The following SBF2 variants were observed in gnomAD, a reference collection of about 807,000 sequenced individuals.
The protein encoded by SBF2 is SET binding factor 2.
SBF2 carries 112 observed loss-of-function variants against 225.2 expected under a neutral mutation model. That is an observed-to-expected ratio of 0.50 (90% confidence interval 0.43 to 0.58). The LOEUF is 0.58. Ranked by LOEUF, SBF2 falls within the 20% of genes least tolerant of loss-of-function variation. SBF2 has a pLI of 0.00. For synonymous variants in SBF2, 763 were observed against 773.3 expected (o/e 0.99, Z 0.22); for missense variants, 1,996 against 2,206.2 (o/e 0.90, Z 1.91).
intron 2 of SBF2, among the ~76,000 whole-genome samples, chr11:10,055,712 G>A (rs1413022753): frequency 1.3e-5 from 2 of 152,266 alleles, no homozygotes; most frequent in Middle Eastern, 3.4e-3. Flanking sequence ...TTAAGTAAGA[G>A]CTAAGCTATG....
chr11:10,147,339 C>A (rs1357344135), intron 2 of SBF2, among the ~76,000 whole-genome samples: 1 of 152,100 alleles, frequency 6.6e-6, no homozygotes, highest in Non-Finnish European at 1.5e-5. Context: ...CAATGGTAGA[C>A]TGGATACAGA....
At chr11:10,060,617 A>G (rs914183012) in intron 2 of SBF2, among the ~76,000 whole-genome samples, 3 of 152,306 alleles carry the variant, frequency 2.0e-5, no homozygotes, top group South Asian at 2.1e-4. Flanking sequence ...ATGAACATCA[A>G]TGCAAAAATC....
intron 2 of SBF2, among the ~76,000 whole-genome samples, chr11:10,120,918 C>T (rs1172936612): frequency 6.6e-6 from 1 of 152,078 alleles, no homozygotes; most frequent in African/African-American, 2.4e-5. Context: ...CCGTGCCCAG[C>T]CATGCCCGGC....
chr11:9,784,567 G>T, intron 37 of SBF2, 129 bp from the exon 38 acceptor site: 1 of 737,150 alleles, frequency 1.4e-6, no homozygotes, highest in Non-Finnish European at 2.4e-6. Context: ...GCCTATAAGA[G>T]TTCTCCCTGG....
chr11:9,998,016 T>G lies in SBF2; in HGVS notation c.975+250A>C, dbSNP rs570327113. 2.0e-5 allele frequency among the ~76,000 whole-genome samples: 3 copies of G among 152,306 alleles called. No individual in the cohort carries two copies. The East Asian group carries it at 5.8e-4, about 29-fold the overall frequency. ...GAATTTCCAATACCTAGGACAGTAC[T>G]AGGTCCTGTATGCTGAATGAAGGAA... On this transcript the variant is annotated intron_variant, in intron 9 of 39. Coordinates refer to ENST00000256190, the MANE Select transcript of SBF2 (RefSeq NM_030962.4).
chr11:9,853,071 T>C (rs555402439), intron 20 of SBF2, among the ~76,000 whole-genome samples: 1 of 152,244 alleles, frequency 6.6e-6, no homozygotes, highest in East Asian at 1.9e-4. Flanking sequence ...TACTCAGCCA[T>C]AAAAAGGAAT....
intron 17 of SBF2, among the ~76,000 whole-genome samples, chr11:9,879,616 G>A (rs565039787): frequency 2.5e-4 from 38 of 152,274 alleles, no homozygotes; most frequent in African/African-American, 6.3e-4. Flanking sequence ...TGGTGAAGCA[G>A]ACATTCAATT....
intron 2 of SBF2, among the ~76,000 whole-genome samples, chr11:10,077,698 T>C (rs1310323889): frequency 3.3e-5 from 5 of 152,152 alleles, no homozygotes; most frequent in Admixed American, 6.5e-5. Flanking sequence ...GAAGAAAACG[T>C]AGGCAATACC....
chr11:10,130,089 G>A (rs180992859), intron 2 of SBF2, among the ~76,000 whole-genome samples: 43 of 152,214 alleles, frequency 2.8e-4, no homozygotes, highest in Non-Finnish European at 4.9e-4. Context: ...CTCGCCAGGC[G>A]CAGTGGCTCA....
chr11:10,286,862 C>T (rs61889842), intron 1 of SBF2, among the ~76,000 whole-genome samples: 15,411 of 152,186 alleles, frequency 0.1, 938 homozygotes, highest in Non-Finnish European at 0.11. Flanking sequence ...CAGTCTCACA[C>T]AAATAAGACA....
chr11:10,224,169 T>C (rs1958452177), intron 1 of SBF2, among the ~76,000 whole-genome samples: 1 of 152,168 alleles, frequency 6.6e-6, no homozygotes. Context: ...CTATGCAGTT[T>C]GTCTGCAAGT....
intron 6 of SBF2, among the ~76,000 whole-genome samples, chr11:10,021,883 A>G (rs984404952): frequency 6.6e-6 from 1 of 152,206 alleles, no homozygotes; most frequent in African/African-American, 2.4e-5. Context: ...TTTGGAAACA[A>G]CAACTCTGCA....
intron 16 of SBF2, among the ~76,000 whole-genome samples, chr11:9,917,917 T>C (rs1205279170): frequency 1.3e-5 from 2 of 151,558 alleles, no homozygotes; most frequent in African/African-American, 4.9e-5. Flanking sequence ...CATGATCCTC[T>C]TCCACACTAT....
intron 17 of SBF2, among the ~76,000 whole-genome samples, chr11:9,890,164 C>T (rs571014257): frequency 6.6e-6 from 1 of 152,282 alleles, no homozygotes; most frequent in South Asian, 2.1e-4. Flanking sequence ...CTCGGCCTCC[C>T]GAAGTGCTGG....
At chr11:10,236,994 ACT>A (rs1959100688) in intron 1 of SBF2, among the ~76,000 whole-genome samples, 1 of 152,224 alleles carries the variant, frequency 6.6e-6, no homozygotes, top group African/African-American at 2.4e-5. Context: ...ATTTGGGAGT[ACT>A]TTTCCCCCAG....
intron 1 of SBF2, among the ~76,000 whole-genome samples, chr11:10,263,016 T>C (rs1268423852): frequency 6.6e-6 from 1 of 152,094 alleles, no homozygotes; most frequent in Non-Finnish European, 1.5e-5. Context: ...TTATCAGTGT[T>C]CAATACAACA....
chr11:9,789,294 A>G lies in SBF2; in HGVS notation c.4747T>C (p.Tyr1583His). ...NVSSLKKWDY[Y>H]IEETLSTGPS... ...CCTGTGGACAGGGTCTCTTCTATGTAGTAATCCCACTTCTTGAGGCTAGAG... is the reference window on the plus strand; with the variant it reads ...CCTGTGGACAGGGTCTCTTCTATGTGGTAATCCCACTTCTTGAGGCTAGAG... Residue 1583 changes from tyrosine (Y) to histidine (H), a missense_variant, in exon 35 of 40, where the codon TAC (tyrosine) becomes CAC (histidine). Tyr to His is a moderately conservative substitution (Grantham distance 83). Coordinates refer to ENST00000256190, the MANE Select transcript of SBF2 (RefSeq NM_030962.4). 1.2e-5 allele frequency: 20 copies of G among 1,614,192 alleles called. No individual in the cohort carries two copies. Among genetic ancestry groups the G allele is most frequent in the Non-Finnish European group, 1.7e-5 (20 of 1,180,020 alleles).
chr11:10,132,836 T>C (rs1459633413), intron 2 of SBF2, among the ~76,000 whole-genome samples: 1 of 148,948 alleles, frequency 6.7e-6, no homozygotes, highest in Non-Finnish European at 1.5e-5. Context: ...GGGCGCTGAT[T>C]GGTGCGTTTA....
intron 1 of SBF2, among the ~76,000 whole-genome samples, chr11:10,224,226 T>C (rs184166900): frequency 8.6e-4 from 131 of 152,246 alleles, no homozygotes; most frequent in African/African-American, 2.6e-3. Context: ...AATATAGTTA[T>C]TGAAAAAAGA....
Sources: gnomAD v4.1 joint callset for allele counts (sites outside exome capture counted in the v4.1 genomes callset) on GRCh38, gnomAD v4.1.1 for gene constraint, MANE v1.5 for transcripts, NCBI Gene and HGNC (gene_info 2026-07-23, HGNC 2026-07-21) for gene names.